The following NPTN variants were observed in gnomAD, a reference collection of about 807,000 sequenced individuals.
NPTN encodes neuroplastin, also known as SDR-1.
In NPTN, 5 loss-of-function variants were observed where a neutral mutation model predicts 42.7. The observed-to-expected ratio is 0.12, with a 90% CI of 0.06 to 0.25. The LOEUF is 0.25. Among genes scored for constraint, NPTN ranks in the 10% least tolerant of loss-of-function variants. NPTN has a pLI of 1.00. For synonymous variants in NPTN, 180 were observed against 201.9 expected (o/e 0.89, Z 0.92); for missense variants, 307 against 525.4 (o/e 0.58, Z 4.06).
intron 1 of NPTN, among the ~76,000 whole-genome samples, chr15:73,618,209 A>C (rs1263481994): frequency 5.9e-5 from 9 of 152,204 alleles, no homozygotes; most frequent in Admixed American, 5.9e-4. Context: ...TAGGCCTTGA[A>C]GACCAGCTGA....
rs142683156 is a variant in NPTN at position 73,620,854 on chromosome 15, G to GT, written c.91+12270dup. ...TGTATCGGTCTGAATTTGTAGCTTG[G>GT]TTTTTCTAATATAAACAATGGGCTA... On this transcript the variant is annotated intron_variant, in intron 1 of 8. Coordinates refer to ENST00000345330, the MANE Select transcript of NPTN (RefSeq NM_012428.4). 4.8e-3 allele frequency among the ~76,000 whole-genome samples: 731 copies of GT among 152,238 alleles called. 3 individuals carry two copies. The highest frequency in any genetic ancestry group is 0.017 in the African/African-American group (694 of 41,542).
At chr15:73,606,409 G>A (rs1445596742) in intron 1 of NPTN, among the ~76,000 whole-genome samples, 1 of 152,154 alleles carries the variant, frequency 6.6e-6, no homozygotes, top group Non-Finnish European at 1.5e-5. Context: ...TACTTAAGCT[G>A]CTGGTCCCTA....
intron 7 of NPTN, 71 bp from the exon 8 acceptor site, chr15:73,562,041 T>C: frequency 2.7e-6 from 3 of 1,126,570 alleles, no homozygotes; most frequent in East Asian, 5.1e-5. Flanking sequence ...CACATGGAAA[T>C]ACAGGGACTC....
At chr15:73,581,986 C>T (rs1026566054) in intron 4 of NPTN, among the ~76,000 whole-genome samples, 11 of 152,126 alleles carry the variant, frequency 7.2e-5, no homozygotes, top group Admixed American at 4.6e-4. Context: ...AGGCGTGCAC[C>T]GCCACACTCG....
chr15:73,563,223 A>T lies in NPTN; in HGVS notation c.1136+13T>A. ...TCAGATACTGTTGAATCAATGTCCA[A>T]TAAAGTACTTACATTGGTCCAGCTG... On this transcript the variant is annotated intron_variant, in intron 7 of 8. Transcript: ENST00000345330. 1 of 1,540,950 alleles carries T rather than the reference A, an allele frequency of 6.5e-7. No homozygotes were observed. The highest frequency in any genetic ancestry group is 9.0e-7 in the Non-Finnish European group (1 of 1,113,624).
At chr15:73,585,378 G>GA (rs1896267889) in intron 4 of NPTN, among the ~76,000 whole-genome samples, 1 of 152,132 alleles carries the variant, frequency 6.6e-6, no homozygotes, top group Non-Finnish European at 1.5e-5. Context: ...GGAATAAAAT[G>GA]AGAGTTTCTA....
Position 73,633,203 on chromosome 15 carries a change from A to C in NPTN, c.13T>G (p.Ser5Ala). The change falls in exon 1 of 9, where the codon TCG becomes GCG. Residue 5 changes from serine to alanine, a missense_variant. Physicochemically the swap from Ser to Ala is moderately conservative, Grantham distance 99. This residue lies in a region of NPTN where 43 missense variants were observed against 34.3 expected (regional missense o/e 1.25). Transcript: ENST00000345330. MSGS[S>A]LPSALALSLL... ...GAGAGGGCCAGGGCGCTGGGCAGCG[A>C]CGAACCCGACATCCTCCCTAGCAGA... is the stretch of plus-strand genomic sequence containing the variant. The C allele has an allele frequency of 6.5e-7, 1 of 1,527,950 alleles. No homozygotes were observed. The highest frequency in any genetic ancestry group is 8.8e-7 in the Non-Finnish European group (1 of 1,142,542). 94.6% of individuals were successfully genotyped at this position (1,527,950 alleles called of 1,614,324 possible).
chr15:73,586,910 T>C (rs375174204), intron 4 of NPTN, among the ~76,000 whole-genome samples: 1 of 152,216 alleles, frequency 6.6e-6, no homozygotes, highest in African/African-American at 2.4e-5. Context: ...TTCTTTGAAA[T>C]AACTTAGGAA....
intron 3 of NPTN, 79 bp from the exon 4 acceptor site, chr15:73,587,697 A>C (rs1896384339): frequency 9.6e-7 from 1 of 1,045,196 alleles, no homozygotes; most frequent in East Asian, 2.4e-5. Flanking sequence ...TCAAAGGGGC[A>C]ATCAGGGATC....
chr15:73,562,047 G>A (rs1894706264), intron 7 of NPTN, 77 bp from the exon 8 acceptor site: 4 of 1,089,308 alleles, frequency 3.7e-6, no homozygotes, highest in Middle Eastern at 2.4e-4. Flanking sequence ...GAAATACAGG[G>A]ACTCTTTCAC....
intron 4 of NPTN, among the ~76,000 whole-genome samples, chr15:73,585,193 G>T (rs1235806117): frequency 1.3e-5 from 2 of 152,180 alleles, no homozygotes; most frequent in African/African-American, 4.8e-5. Context: ...TTCAGTTAAA[G>T]CCACACAGGA....
intron 3 of NPTN, 78 bp downstream of exon 3, chr15:73,591,888 G>A (rs1023892511): frequency 2.0e-5 from 28 of 1,381,018 alleles, no homozygotes; most frequent in Admixed American, 7.8e-5. Flanking sequence ...TCTGCATGGC[G>A]CAACTATGGA....
intron 1 of NPTN, among the ~76,000 whole-genome samples, chr15:73,612,571 T>C (rs936458711): frequency 6.6e-6 from 1 of 151,830 alleles, no homozygotes; most frequent in Admixed American, 6.6e-5. Context: ...ATTGAGACCA[T>C]CCTGGCTAAC....
intron 1 of NPTN, among the ~76,000 whole-genome samples, chr15:73,624,855 G>C (rs1898316461): frequency 6.6e-6 from 1 of 152,154 alleles, no homozygotes; most frequent in Non-Finnish European, 1.5e-5. Context: ...TAAAAGGAAG[G>C]TCAACTGAAT....
At chr15:73,623,291 C>T (rs1595971249) in intron 1 of NPTN, among the ~76,000 whole-genome samples, 1 of 152,132 alleles carries the variant, frequency 6.6e-6, no homozygotes, top group South Asian at 2.1e-4. Flanking sequence ...ACAGGCAAGT[C>T]CTAAAAGCTA....
At chr15:73,575,033 G>C (rs993704211) in intron 4 of NPTN, among the ~76,000 whole-genome samples, 11 of 152,228 alleles carry the variant, frequency 7.2e-5, no homozygotes, top group African/African-American at 2.4e-4. Context: ...GCCTAGGCTG[G>C]AGTGCAATGG....
At chr15:73,625,032 T>C (rs936154151) in intron 1 of NPTN, among the ~76,000 whole-genome samples, 6 of 152,230 alleles carry the variant, frequency 3.9e-5, no homozygotes, top group Admixed American at 3.9e-4. Flanking sequence ...CTGATATTAC[T>C]GATAAATGTC....
rs1896607700 is a variant in NPTN, at chr15:73,591,955, A to G, written c.611+11T>C. The G allele has an allele frequency of 7.5e-6, 12 of 1,602,430 alleles. No individual in the cohort carries two copies. Among genetic ancestry groups the G allele is most frequent in the Non-Finnish European group, 1.0e-5 (12 of 1,173,094 alleles). ...CCTCCCACCTTCCCAGGAGCTGCCC[A>G]CCACTCTCACCTGTACTCCATGTTG... On this transcript the variant is annotated intron_variant, in intron 3 of 8. Coordinates refer to ENST00000345330, the MANE Select transcript of NPTN (RefSeq NM_012428.4).
chr15:73,580,791 T>C (rs926186860), intron 4 of NPTN, among the ~76,000 whole-genome samples: 2 of 151,882 alleles, frequency 1.3e-5, no homozygotes, highest in African/African-American at 4.8e-5. Context: ...TATTTACCTG[T>C]CAGACTTTAC....
Sources: allele counts gnomAD v4.1 joint callset (sites outside exome capture counted in the v4.1 genomes callset), GRCh38; gene constraint gnomAD v4.1.1; regional missense constraint gnomAD v4.1.1; transcripts MANE v1.5; gene names NCBI Gene and HGNC (gene_info 2026-07-23, HGNC 2026-07-21).